The following SPG7 variants were observed in gnomAD, a reference collection of about 807,000 sequenced individuals.
SPG7 encodes mitochondrial inner membrane m-AAA protease component paraplegin.
A neutral mutation model predicts 81.9 loss-of-function variants in SPG7; 103 were observed. The observed-to-expected ratio is 1.26, with a 90% CI of 1.07 to 1.48. The LOEUF is 1.48. Ranked by LOEUF, SPG7 falls within the 40% of genes most tolerant of loss-of-function variation. The pLI is 0.00. For synonymous variants in SPG7, 534 were observed against 444.2 expected, an observed-to-expected ratio of 1.20 and a Z score of -2.54; for missense variants, 1,241 against 1,087.3, an observed-to-expected ratio of 1.14 and a Z score of -1.99.
intron 11 of SPG7, 84 bp downstream of exon 11, chr16:89,546,844 C>T (rs1168468287): frequency 1.1e-5 from 10 of 895,236 alleles, no homozygotes; most frequent in African/African-American, 1.6e-5. Flanking sequence ...GAGGCCTCCT[C>T]TGTGGGGTGG....
chr16:89,552,725 G>A, intron 13 of SPG7: 1 of 518,650 alleles, frequency 1.9e-6, no homozygotes, highest in South Asian at 2.0e-5. Flanking sequence ...TTGTCTTCTT[G>A]ACTCCCTGCC....
intron 2 of SPG7, 87 bp downstream of exon 2, chr16:89,510,679 A>G (rs2058008031): frequency 1.2e-6 from 1 of 838,194 alleles, no homozygotes; most frequent in South Asian, 1.4e-5. Flanking sequence ...TTTATTTTAG[A>G]GACGGGATCT....
intron 2 of SPG7, among the ~76,000 whole-genome samples, chr16:89,511,911 T>TTA (rs767796713): frequency 3.2e-3 from 269 of 83,062 alleles, no homozygotes; most frequent in African/African-American, 7.7e-3. Context: ...TTGTTGTTGT[T>TTA]GTTTATTATT....
rs1411231760 is a variant in SPG7, at chr16:89,557,299, G to C, written c.*206G>C. ...ACTACTGACGGAGTCCTGTGTTTGT[G>C]AGTCGTTTCCCCTATGGGGAAGGTT... On this transcript the variant is annotated 3_prime_UTR_variant, in exon 17 of 17. Transcript: ENST00000645818. 1.9e-5 allele frequency: 11 copies of C among 589,412 alleles called. No homozygotes were observed. The highest frequency in any genetic ancestry group is 3.0e-5 in the Non-Finnish European group (10 of 330,578). The allele number at this position is 589,412 out of a possible 1,614,324, so 36.5% of individuals were successfully genotyped here.
chr16:89,554,046 C>T (rs1045800229), intron 15 of SPG7, 86 bp downstream of exon 15: 32 of 1,478,830 alleles, frequency 2.2e-5, no homozygotes, highest in East Asian at 6.9e-5. Flanking sequence ...CGCCCACGGC[C>T]GCCCCAGCGG....
chr16:89,542,184 T>G (rs2058504806), intron 9 of SPG7: 1 of 152,362 alleles, frequency 6.6e-6, no homozygotes, highest in Non-Finnish European at 1.5e-5. Context: ...GTGTTCCTAT[T>G]ACTTTTCCCA....
intron 9 of SPG7, among the ~76,000 whole-genome samples, chr16:89,535,428 C>T (rs980274585): frequency 1.3e-5 from 2 of 152,210 alleles, no homozygotes; most frequent in African/African-American, 4.8e-5. Flanking sequence ...GTGCAGGACG[C>T]AACGACGTTT....
chr16:89,516,659 G>A (rs62070324), intron 3 of SPG7: 65,330 of 150,570 alleles, frequency 0.43, 14,686 homozygotes, highest in East Asian at 0.68. Flanking sequence ...AGGAGATCGA[G>A]ACCATTTTAG....
At chr16:89,522,813 C>T (rs959025893) in intron 3 of SPG7, 6 of 152,508 alleles carry the variant, frequency 3.9e-5, no homozygotes, top group African/African-American at 1.4e-4. Context: ...GGAAGTGACC[C>T]CTGCGGGCAT....
intron 2 of SPG7, 138 bp downstream of exon 2, chr16:89,510,730 T>C: frequency 1.4e-6 from 1 of 694,162 alleles, no homozygotes; most frequent in Non-Finnish European, 2.6e-6. Flanking sequence ...AATGGTGTGA[T>C]CAGAGCTCAC....
At chr16:89,509,749 G>C (rs1047266260) in intron 1 of SPG7, among the ~76,000 whole-genome samples, 2 of 151,632 alleles carry the variant, frequency 1.3e-5, no homozygotes, top group Non-Finnish European at 2.9e-5. Flanking sequence ...TCAGGCCATG[G>C]GATAGCAGCC....
At chr16:89,529,427 T>A in intron 5 of SPG7, 50 bp from the exon 6 acceptor site, 1 of 1,253,500 alleles carries the variant, frequency 8.0e-7, no homozygotes. Flanking sequence ...AGCCTGCGTC[T>A]GTCACGTGAC....
intron 3 of SPG7, among the ~76,000 whole-genome samples, chr16:89,515,102 C>T (rs1461483222): frequency 1.3e-5 from 2 of 150,990 alleles, no homozygotes; most frequent in Non-Finnish European, 3.0e-5. Context: ...ATACCCGGCT[C>T]ATTTTTTGTA....
intron 9 of SPG7, among the ~76,000 whole-genome samples, chr16:89,534,229 G>C (rs1412400932): frequency 1.3e-5 from 2 of 152,122 alleles, no homozygotes; most frequent in African/African-American, 2.4e-5. Flanking sequence ...ACTGTTGTAG[G>C]GACCTCATAG....
At chr16:89,555,186 T>C (rs2058674778) in intron 16 of SPG7, 1 of 153,112 alleles carries the variant, frequency 6.5e-6, no homozygotes, top group African/African-American at 2.4e-5. Flanking sequence ...AGTTCAAGCA[T>C]TCTCCTGTCT....
chr16:89,553,133 C>G lies in SPG7; in HGVS notation c.1934C>G (p.Ser645Cys). 6.2e-7 allele frequency: 1 copy of G among 1,606,336 alleles called. No individual in the cohort carries two copies. ...SEALSFNEVT[S>C]GAQDDLRKVT... is the part of the protein sequence containing the mutation. ...GCACTGTCCTTCAACGAGGTCACTT[C>G]TGGTGAGGAGCAGCGGCGCGGGCCC... is the stretch of plus-strand genomic sequence containing the variant. The change falls in exon 14 of 17, where the codon TCT (serine) becomes TGT (cysteine). Residue 645 changes from serine to cysteine, a missense_variant and splice_region_variant. Ser to Cys is a moderately radical substitution (Grantham distance 112). Transcript: ENST00000645818.
chr16:89,537,716 A>G, intron 9 of SPG7: 1 of 985,330 alleles, frequency 1.0e-6, no homozygotes, highest in Non-Finnish European at 1.2e-6. Flanking sequence ...AGTCATCAGC[A>G]TGTGAGCTTG....
At chr16:89,543,811 A>T (rs546873768) in intron 9 of SPG7, 23 of 151,376 alleles carry the variant, frequency 1.5e-4, no homozygotes, top group Non-Finnish European at 2.5e-4. Flanking sequence ...ACGCCACCAC[A>T]CCCGGCTAAT....
intron 6 of SPG7, chr16:89,530,348 G>A (rs1267788657): frequency 1.3e-5 from 5 of 380,178 alleles, no homozygotes; most frequent in Non-Finnish European, 2.0e-5. Flanking sequence ...GTTTCACCGT[G>A]TTAGCCAGGG....
Sources: allele counts gnomAD v4.1 joint callset (sites outside exome capture counted in the v4.1 genomes callset), GRCh38; gene constraint gnomAD v4.1.1; transcripts MANE v1.5; gene names NCBI Gene and HGNC (gene_info 2026-07-23, HGNC 2026-07-21).